SERPINB7: variants seen among roughly 807,000 people sequenced by gnomAD.
The protein encoded by SERPINB7 is serpin B7.
SERPINB7 carries 31 observed loss-of-function variants against 37.4 expected under a neutral mutation model. The observed-to-expected ratio is 0.83, with a 90% confidence interval of 0.62 to 1.12. The LOEUF is 1.12. SERPINB7 is among the 50% of genes most tolerant of loss of function. SERPINB7 has a pLI of 0.00. For synonymous variants in SERPINB7, 163 were observed against 166.1 expected, an observed-to-expected ratio of 0.98 and a Z score of 0.14; for missense variants, 521 against 455.3, an observed-to-expected ratio of 1.14 and a Z score of -1.31.
rs776228261 is a variant in SERPINB7 at position 63,782,522 on chromosome 18, CCT to C, written c.156_157del (p.Gln53AspfsTer2). The C allele has an allele frequency of 1.2e-6, 2 of 1,612,466 alleles. No individual in the cohort carries two copies. Among genetic ancestry groups the C allele is most frequent in the Non-Finnish European group, 1.7e-6 (2 of 1,179,184 alleles). On this transcript the variant is annotated frameshift_variant, in exon 2 of 8. Transcript: ENST00000398019. LOFTEE classifies it high-confidence loss of function. ...LVRLGAQDDS[L>X]SQIDKLLHVN... Reference sequence around the variant, plus strand: ...TCCGCTTGGGCGCTCAAGATGACTCCCTCTCTCAGATTGATAAGGTCAGTCTC... The same window carrying C: ...TCCGCTTGGGCGCTCAAGATGACTCCCTCTCAGATTGATAAGGTCAGTCTC...
At chr18:63,783,209 AGAGAGAGAGAGAGAGAGAGAGAG>A (rs1568207613) in intron 2 of SERPINB7, among the ~76,000 whole-genome samples, 10 of 76,434 alleles carry the variant, frequency 1.3e-4, no homozygotes, top group East Asian at 3.7e-4. Flanking sequence ...AGAGAGAGAG[AGAGAGAGAGAGAGAGAGAGAGAG>A]AGAAAGAAAG....
At chr18:63,775,080 G>A (rs2049235307), upstream of SERPINB7, among the ~76,000 whole-genome samples, 3 of 152,248 alleles carry the variant, frequency 2.0e-5, no homozygotes, top group South Asian at 6.2e-4. Flanking sequence ...CCAAGTCACT[G>A]TTGTCACTGC....
At chr18:63,771,778 T>A (rs1382021977), upstream of SERPINB7, among the ~76,000 whole-genome samples, 1 of 152,090 alleles carries the variant, frequency 6.6e-6, no homozygotes, top group African/African-American at 2.4e-5. Flanking sequence ...GTGATTTTTT[T>A]AAGCAGATTT....
Position 63,760,419 on chromosome 18 carries a change from A to T in SERPINB7, c.-19+7299A>T, listed in dbSNP as rs112337940. Reference sequence around the variant, plus strand: ...AAGGGAAGCAGAGCAAAAAGTTTGGAAAATTTGCAGCCTGACTATGTGATA... The same window carrying T: ...AAGGGAAGCAGAGCAAAAAGTTTGGTAAATTTGCAGCCTGACTATGTGATA... On this transcript the variant is annotated intron_variant, in intron 1 of 7. Coordinates refer to the SERPINB7 transcript ENST00000336429. Among the ~76,000 whole-genome samples the T allele has an allele frequency of 5.1e-4, 77 of 152,350 alleles. 1 individual carries two copies. Among genetic ancestry groups the T allele is most frequent in the African/African-American group, 1.8e-3 (75 of 41,580 alleles).
In SERPINB7 at chr18:63,759,140, G is replaced by A. The variant is rs528395189; in HGVS notation, c.-19+6020G>A. On this transcript the variant is annotated intron_variant, in intron 1 of 7. Coordinates refer to the SERPINB7 transcript ENST00000336429. ...TCCTATTCTATTCTACTCTTCTGAT[G>A]TATCCTATCCTATCTTATATTTTAA... Among the ~76,000 whole-genome samples, 7 of 151,836 alleles carry A rather than the reference G, an allele frequency of 4.6e-5. No individual in the cohort carries two copies. In the South Asian group the frequency reaches 1.5e-3, roughly 32 times the overall value.
chr18:63,768,568 T>G (rs931387208), intron 1 of SERPINB7, among the ~76,000 whole-genome samples: 8 of 152,176 alleles, frequency 5.3e-5, no homozygotes, highest in African/African-American at 1.9e-4. Flanking sequence ...TTCATACATT[T>G]GTGATACAAT....
At chr18:63,755,108 G>A (rs1244124560) in intron 1 of SERPINB7, among the ~76,000 whole-genome samples, 1 of 151,776 alleles carries the variant, frequency 6.6e-6, no homozygotes, top group African/African-American at 2.4e-5. Flanking sequence ...GTTTCACCTT[G>A]TTAGCCAGGA....
At chr18:63,792,352 C>T in intron 2 of SERPINB7, 41 bp from the exon 3 acceptor site, 2 of 1,443,482 alleles carry the variant, frequency 1.4e-6, no homozygotes, top group Non-Finnish European at 1.9e-6. Flanking sequence ...TTCTCGTAAC[C>T]TCTGATTCTA....
chr18:63,803,328 T>G (rs1328354612), intron 7 of SERPINB7, among the ~76,000 whole-genome samples: 1 of 152,140 alleles, frequency 6.6e-6, no homozygotes, highest in Non-Finnish European at 1.5e-5. Flanking sequence ...CAAATTAGAC[T>G]AAATTTGATT....
At chr18:63,770,249 A>G (rs1354926697) in intron 1 of SERPINB7, among the ~76,000 whole-genome samples, 15 of 151,192 alleles carry the variant, frequency 9.9e-5, no homozygotes. Context: ...CTCTATTAGT[A>G]TTATAGCTGC....
At position 63,804,454 on chromosome 18, in the gene SERPINB7, TGATGC is replaced by T. The variant is rs777007108; in HGVS notation, c.963_967del (p.Met321IlefsTer9). The T allele has an allele frequency of 3.7e-6, 6 of 1,613,682 alleles. No homozygotes were observed. Among genetic ancestry groups the T allele is most frequent in the Non-Finnish European group, 5.1e-6 (6 of 1,179,872 alleles). On this transcript the variant is annotated frameshift_variant, in exon 8 of 8. Coordinates refer to ENST00000398019, the MANE Select transcript of SERPINB7 (RefSeq NM_003784.4). LOFTEE classifies it high-confidence loss of function. ...GGGGGTCGTCTGTATATATCAAGGA[TGATGC>T]ACAAATCTTACATAGAGGTCACTGA...
In SERPINB7 at chr18:63,770,112, G is replaced by C. The variant is rs117918455; in HGVS notation, c.-18-12243G>C. 3.8e-3 allele frequency among the ~76,000 whole-genome samples: 566 copies of C among 150,214 alleles called. 2 individuals are homozygous for C. The highest frequency in any genetic ancestry group is 0.014 in the Middle Eastern group (4 of 292). On this transcript the variant is annotated intron_variant, in intron 1 of 7. Coordinates refer to the SERPINB7 transcript ENST00000336429. ...ATGGTTCTACCCTACAGTTTTTACA[G>C]CAACCAGGCCAGTGGGGAGGATAGA... is the stretch of plus-strand genomic sequence containing the variant.
At chr18:63,755,406 A>T (rs375283943) in intron 1 of SERPINB7, among the ~76,000 whole-genome samples, 52 of 152,330 alleles carry the variant, frequency 3.4e-4, no homozygotes, top group East Asian at 1.4e-3. Flanking sequence ...AGGGACAAAA[A>T]TTAAAGACAA....
chr18:63,783,364 T>C (rs1243254937), intron 2 of SERPINB7, among the ~76,000 whole-genome samples: 3 of 152,090 alleles, frequency 2.0e-5, no homozygotes, highest in Admixed American at 6.5e-5. Context: ...CCCAGCACTC[T>C]GGGTTTTAAT....
At chr18:63,763,989 T>C (rs1212291803) in intron 1 of SERPINB7, among the ~76,000 whole-genome samples, 1 of 152,202 alleles carries the variant, frequency 6.6e-6, no homozygotes, top group Admixed American at 6.5e-5. Flanking sequence ...GAGAATTGCA[T>C]TACAATACAA....
At chr18:63,765,833 G>T (rs544425318) in intron 1 of SERPINB7, among the ~76,000 whole-genome samples, 1 of 152,018 alleles carries the variant, frequency 6.6e-6, no homozygotes, top group Non-Finnish European at 1.5e-5. Flanking sequence ...TATTTATAGC[G>T]TGTGTTTAAT....
chr18:63,762,412 T>C (rs1487227355), intron 1 of SERPINB7, among the ~76,000 whole-genome samples: 2 of 152,248 alleles, frequency 1.3e-5, no homozygotes, highest in Non-Finnish European at 2.9e-5. Flanking sequence ...AGAACTCACT[T>C]GCCCAGAACA....
intron 1 of SERPINB7, among the ~76,000 whole-genome samples, chr18:63,765,171 T>A (rs2049174204): frequency 6.6e-6 from 1 of 152,154 alleles, no homozygotes; most frequent in Non-Finnish European, 1.5e-5. Flanking sequence ...AGTCCCCAAA[T>A]CTCATTCTCT....
At chr18:63,792,580 T>C (rs968738904) in intron 3 of SERPINB7, 137 bp downstream of exon 3, 42 of 581,626 alleles carry the variant, frequency 7.2e-5, no homozygotes, top group Non-Finnish European at 2.1e-5. Flanking sequence ...CTGGGCAACA[T>C]GGCAAAACCC....
Sources: allele counts gnomAD v4.1 joint callset (sites outside exome capture counted in the v4.1 genomes callset), GRCh38; gene constraint gnomAD v4.1.1; transcripts MANE v1.5; gene names NCBI Gene and HGNC (gene_info 2026-07-23, HGNC 2026-07-21).